Variants in SPIDR observed in about 807,000 individuals in gnomAD.
The protein encoded by SPIDR is DNA repair-scaffolding protein.
In SPIDR, 93 loss-of-function variants were observed where a neutral mutation model predicts 104.6. The observed-to-expected ratio is 0.89, with a 90% CI of 0.75 to 1.06. SPIDR has a LOEUF of 1.06. Among genes scored for constraint, SPIDR ranks in the 50% least tolerant of loss-of-function variants. SPIDR has a pLI of 0.00. For synonymous variants in SPIDR, 431 were observed against 416.9 expected, an observed-to-expected ratio of 1.03 and a Z score of -0.41; for missense variants, 1,154 against 1,111.2, an observed-to-expected ratio of 1.04 and a Z score of -0.55.
intron 11 of SPIDR, among the ~76,000 whole-genome samples, chr8:47,677,462 C>T (rs2076588903): frequency 1.3e-5 from 2 of 152,126 alleles, no homozygotes; most frequent in African/African-American, 2.4e-5. Context: ...GTATTTATTT[C>T]CCAACTTGTT....
At chr8:47,355,919 A>G (rs1168090803) in intron 5 of SPIDR, among the ~76,000 whole-genome samples, 1 of 152,188 alleles carries the variant, frequency 6.6e-6, no homozygotes, top group Admixed American at 6.5e-5. Context: ...TTGTTAGTCA[A>G]GAGCTGGGCT....
intron 10 of SPIDR, among the ~76,000 whole-genome samples, chr8:47,615,704 T>C (rs963272446): frequency 6.6e-6 from 1 of 152,100 alleles, no homozygotes; most frequent in African/African-American, 2.4e-5. Context: ...AAAAGGAGTT[T>C]CGCCGTATTG....
At chr8:47,733,258 G>A (rs894877510) in intron 19 of SPIDR, among the ~76,000 whole-genome samples, 11 of 152,112 alleles carry the variant, frequency 7.2e-5, no homozygotes, top group African/African-American at 2.4e-4. Flanking sequence ...ATGGTGGTGC[G>A]CACCTGTAAT....
intron 5 of SPIDR, among the ~76,000 whole-genome samples, chr8:47,362,460 C>T (rs1646190929): frequency 6.6e-6 from 1 of 152,150 alleles, no homozygotes; most frequent in Non-Finnish European, 1.5e-5. Flanking sequence ...CATTTCCTCC[C>T]CTTGCTCTTT....
intron 8 of SPIDR, among the ~76,000 whole-genome samples, chr8:47,532,243 A>AT (rs1445248879): frequency 5.9e-5 from 9 of 151,876 alleles, no homozygotes; most frequent in Non-Finnish European, 1.3e-4. Flanking sequence ...CTAATTTTAT[A>AT]TTTTTAGTAG....
chr8:47,330,863 GATACC>G (rs781939620), intron 5 of SPIDR: 6 of 454,534 alleles, frequency 1.3e-5, no homozygotes, highest in Non-Finnish European at 2.7e-5. Flanking sequence ...CCTTTGAGTA[GATACC>G]AAGCAGAGCA....
Position 47,574,615 on chromosome 8 carries a change from TA to T in SPIDR, c.1098-21187del, listed in dbSNP as rs569771750. ...TACTAAAAATACTAAAAAATAAAAA[TA>T]AAAAAAAATAAAAACAAAAATTACT... On this transcript the variant is annotated intron_variant, in intron 8 of 19. Coordinates refer to ENST00000297423, the MANE Select transcript of SPIDR (RefSeq NM_001080394.4). 7.6e-4 allele frequency among the ~76,000 whole-genome samples: 114 copies of T among 150,798 alleles called. 2 individuals carry two copies. The South Asian group carries it at 0.014, about 19-fold the overall frequency.
At chr8:47,697,320 CTTATAT>C (rs1040469327) in intron 11 of SPIDR, among the ~76,000 whole-genome samples, 1 of 151,704 alleles carries the variant, frequency 6.6e-6, no homozygotes, top group African/African-American at 2.4e-5. Flanking sequence ...AAAAACAACA[CTTATAT>C]TTATTTTTAT....
rs1012523043 is a variant in SPIDR, at chr8:47,667,405, C to G, written c.1545-6396C>G. Among the ~76,000 whole-genome samples, 12 of 142,244 alleles carry G rather than the reference C, an allele frequency of 8.4e-5. No homozygotes were observed. The South Asian group carries it at 8.8e-4, about 10-fold the overall frequency. The allele number at this position is 142,244 out of a possible 152,430, so 93.3% of individuals were successfully genotyped here. On this transcript the variant is annotated intron_variant, in intron 10 of 19. Transcript: ENST00000297423. ...AAGAGGCCAAAGTTTGAGACCAGCCCAGGCAGCATAGCAAGACCTCGTCTC... is the reference window on the plus strand; with the variant it reads ...AAGAGGCCAAAGTTTGAGACCAGCCGAGGCAGCATAGCAAGACCTCGTCTC...
At chr8:47,294,251 C>T in intron 5 of SPIDR, 1 of 471,512 alleles carries the variant, frequency 2.1e-6, no homozygotes, top group Non-Finnish European at 3.6e-6. Context: ...TTTCACTTCC[C>T]ACCCTCACTG....
At chr8:47,666,025 G>GTCACTTTAAAAATTCA (rs761809396) in intron 10 of SPIDR, among the ~76,000 whole-genome samples, 7 of 152,076 alleles carry the variant, frequency 4.6e-5, no homozygotes, top group Non-Finnish European at 8.8e-5. Flanking sequence ...GGTTTCCCTA[G>GTCACTTTAAAAATTCA]TCACTTTAAA....
chr8:47,278,054 T>C (rs992628865), intron 1 of SPIDR, among the ~76,000 whole-genome samples: 3 of 151,986 alleles, frequency 2.0e-5, no homozygotes, highest in South Asian at 2.1e-4. Flanking sequence ...ACAAAAGTTA[T>C]AATTGCTACA....
At chr8:47,478,899 C>T (rs1182376546) in intron 8 of SPIDR, among the ~76,000 whole-genome samples, 6 of 152,006 alleles carry the variant, frequency 3.9e-5, no homozygotes, top group African/African-American at 1.2e-4. Flanking sequence ...AATTGGAAGC[C>T]GTGTTTAATT....
At chr8:47,583,261 G>A (rs1043949648) in intron 8 of SPIDR, among the ~76,000 whole-genome samples, 5 of 147,286 alleles carry the variant, frequency 3.4e-5, no homozygotes, top group Non-Finnish European at 7.4e-5. Context: ...AGCCAAGATC[G>A]CGCCACTGCA....
At chr8:47,363,734 G>T (rs2056632337) in intron 5 of SPIDR, among the ~76,000 whole-genome samples, 1 of 151,790 alleles carries the variant, frequency 6.6e-6, no homozygotes. Context: ...ACTGAACTGT[G>T]CTCTATACTA....
intron 5 of SPIDR, among the ~76,000 whole-genome samples, chr8:47,355,095 A>G (rs1321572346): frequency 3.9e-5 from 6 of 151,954 alleles, no homozygotes; most frequent in African/African-American, 9.7e-5. Context: ...AGCTCGGATT[A>G]CAGGCACCCG....
rs1364921393 is a variant in SPIDR, at chr8:47,360,941, G to A, written c.526-35435G>A. ...GACTTTGATTCAACCAGTACTTCTGGAGTGTATGGTGAGCATTCACATATT... is the reference window on the plus strand; with the variant it reads ...GACTTTGATTCAACCAGTACTTCTGAAGTGTATGGTGAGCATTCACATATT... On this transcript the variant is annotated intron_variant, in intron 5 of 19. Transcript: ENST00000297423. 4 of 985,130 alleles carry A rather than the reference G, an allele frequency of 4.1e-6. No individual in the cohort carries two copies. In the Admixed American group the frequency reaches 2.5e-4, roughly 61 times the overall value. The allele number at this position is 985,130 out of a possible 1,614,324, so 61.0% of individuals were successfully genotyped here. A position where few individuals can be genotyped will look rare whatever the true frequency, so the allele number is the denominator to read the frequency against.
chr8:47,405,768 G>C (rs1214359449), intron 6 of SPIDR, among the ~76,000 whole-genome samples: 1 of 152,156 alleles, frequency 6.6e-6, no homozygotes, highest in African/African-American at 2.4e-5. Context: ...GGGCCTTCCT[G>C]AACTTTTGGT....
intron 11 of SPIDR, among the ~76,000 whole-genome samples, chr8:47,687,738 T>C (rs142707933): frequency 6.6e-6 from 1 of 152,312 alleles, no homozygotes; most frequent in East Asian, 1.9e-4. Context: ...ATGTTTTTCT[T>C]TACAGTTATA....
Sources: gnomAD v4.1 joint callset for allele counts (sites outside exome capture counted in the v4.1 genomes callset) on GRCh38, gnomAD v4.1.1 for gene constraint, MANE v1.5 for transcripts, NCBI Gene and HGNC (gene_info 2026-07-23, HGNC 2026-07-21) for gene names.